Variants in TMTC2 observed in about 807,000 individuals in gnomAD.
TMTC2 encodes the protein transmembrane O-mannosyltransferase targeting cadherins 2.
A neutral mutation model predicts 82.4 loss-of-function variants in TMTC2; 43 were observed. The observed-to-expected ratio is 0.52, with a 90% CI of 0.41 to 0.67. TMTC2 has a LOEUF of 0.67. Ranked by LOEUF, TMTC2 falls within the 30% of genes least tolerant of loss-of-function variation. The pLI is 0.00. For synonymous variants in TMTC2, 408 were observed against 381.9 expected (o/e 1.07, Z -0.80); for missense variants, 919 against 1,012.4 (o/e 0.91, Z 1.25).
chr12:82,706,743 G>T (rs1873378070), intron 1 of TMTC2, among the ~76,000 whole-genome samples: 1 of 152,142 alleles, frequency 6.6e-6, no homozygotes, highest in Non-Finnish European at 1.5e-5. Context: ...AATGTGGAGG[G>T]TTAAGGGGAA....
rs1406862555 is a variant in TMTC2, at chr12:82,690,290, T to C, written c.83+2621T>C. 6.9e-6 allele frequency: 5 copies of C among 721,820 alleles called. No individual in the cohort carries two copies. The East Asian group carries it at 6.6e-4, about 95-fold the overall frequency. 44.7% of individuals were successfully genotyped at this position (721,820 alleles called of 1,614,324 possible). ...TAAAACATTGCTTAAACTAGACCTG[T>C]GGATTCTGCTGCCCTCCAGGAACTT... On this transcript the variant is annotated intron_variant, in intron 1 of 11. Coordinates refer to ENST00000321196, the MANE Select transcript of TMTC2 (RefSeq NM_152588.3).
chr12:82,844,985 T>A (rs192527749), intron 1 of TMTC2, among the ~76,000 whole-genome samples: 232 of 151,638 alleles, frequency 1.5e-3, no homozygotes, highest in African/African-American at 5.3e-3. Flanking sequence ...CCCAGCACTT[T>A]GGGAGGCCGA....
At chr12:82,957,341 C>G (rs1465516871) in intron 4 of TMTC2, among the ~76,000 whole-genome samples, 1 of 151,928 alleles carries the variant, frequency 6.6e-6, no homozygotes, top group Non-Finnish European at 1.5e-5. Context: ...TAAATGAAAA[C>G]AAAGATGCAA....
chr12:82,711,287 C>T (rs530404483), intron 1 of TMTC2, among the ~76,000 whole-genome samples: 7 of 152,252 alleles, frequency 4.6e-5, no homozygotes, highest in South Asian at 2.1e-4. Flanking sequence ...GGATCACCTA[C>T]GCTAACAGAA....
At chr12:82,825,624 C>A (rs1869375969) in intron 1 of TMTC2, among the ~76,000 whole-genome samples, 1 of 152,010 alleles carries the variant, frequency 6.6e-6, no homozygotes, top group Admixed American at 6.6e-5. Context: ...TGGAAAAACA[C>A]CCTATCATAA....
intron 1 of TMTC2, among the ~76,000 whole-genome samples, chr12:82,774,173 G>A (rs1307877161): frequency 3.3e-5 from 5 of 151,822 alleles, no homozygotes; most frequent in Admixed American, 1.3e-4. Flanking sequence ...ATACATATAC[G>A]CACATATATA....
Position 82,895,974 on chromosome 12 carries a change from C to T in TMTC2, c.811C>T (p.Leu271Phe), listed in dbSNP as rs1282291651. 3 of 1,613,924 alleles carry T rather than the reference C, an allele frequency of 1.9e-6. No individual in the cohort carries two copies. Among genetic ancestry groups the T allele is most frequent in the Middle Eastern group, 1.6e-4 (1 of 6,062 alleles). ...ADSDSLLTRT[L>F]TFFYLPTKNL... ...TTCGGACAGCCTCCTCACCCGCACT[C>T]TCACCTTCTTCTACTTGCCAACCAA... Residue 271 changes from leucine to phenylalanine, a missense_variant, in exon 3 of 12, where the codon CTC becomes TTC. Transcript: ENST00000321196.
intron 8 of TMTC2, among the ~76,000 whole-genome samples, chr12:82,991,455 G>A (rs1879400195): frequency 1.3e-5 from 2 of 152,140 alleles, no homozygotes; most frequent in East Asian, 1.9e-4. Flanking sequence ...GATAGGTCAT[G>A]AACATAAGAC....
At chr12:82,776,436 A>T (rs1877601438) in intron 1 of TMTC2, among the ~76,000 whole-genome samples, 1 of 151,984 alleles carries the variant, frequency 6.6e-6, no homozygotes, top group African/African-American at 2.4e-5. Context: ...TTGGACACCA[A>T]AATCTGCTGG....
At chr12:82,986,187 A>G (rs1224846444) in intron 8 of TMTC2, 141 bp downstream of exon 8, 4 of 1,139,654 alleles carry the variant, frequency 3.5e-6, no homozygotes, top group African/African-American at 1.6e-5. Context: ...TGAACCCTGT[A>G]CAGAAAATAT....
intron 4 of TMTC2, among the ~76,000 whole-genome samples, chr12:82,938,555 G>A (rs1027214236): frequency 1.3e-5 from 2 of 152,064 alleles, no homozygotes; most frequent in African/African-American, 2.4e-5. Context: ...GAAGTGTTGG[G>A]CATGTCTGAC....
intron 3 of TMTC2, among the ~76,000 whole-genome samples, chr12:82,928,477 T>G (rs970328677): frequency 3.3e-5 from 5 of 152,222 alleles, no homozygotes; most frequent in African/African-American, 9.6e-5. Context: ...ACTGGTAGTT[T>G]TAGTAGTTTA....
At chr12:83,119,134 G>A (rs113008037) in intron 11 of TMTC2, among the ~76,000 whole-genome samples, 3,996 of 151,756 alleles carry the variant, frequency 0.026, 184 homozygotes, top group African/African-American at 0.092. Context: ...GGATTTTTTT[G>A]TTTCAATTTC....
chr12:83,067,470 G>A (rs1182978914), intron 11 of TMTC2, among the ~76,000 whole-genome samples: 1 of 151,916 alleles, frequency 6.6e-6, no homozygotes, highest in Non-Finnish European at 1.5e-5. Flanking sequence ...AAATATCAGA[G>A]ATATTTAAGG....
intron 1 of TMTC2, 32 bp downstream of exon 1, chr12:82,687,701 G>C: frequency 6.3e-7 from 1 of 1,581,632 alleles, no homozygotes. Flanking sequence ...GCGACGGGCT[G>C]CAGGGGGCAC....
chr12:82,899,390 C>T (rs1203512216), intron 3 of TMTC2, among the ~76,000 whole-genome samples: 1 of 151,734 alleles, frequency 6.6e-6, no homozygotes, highest in Non-Finnish European at 1.5e-5. Flanking sequence ...TCATAGCTGA[C>T]ATCCATTCCA....
chr12:82,779,155 A>G (rs1877763341), intron 1 of TMTC2, among the ~76,000 whole-genome samples: 1 of 152,056 alleles, frequency 6.6e-6, no homozygotes, highest in African/African-American at 2.4e-5. Flanking sequence ...TGCAAAGGCA[A>G]GGAATCCCAA....
chr12:82,879,258 T>G (rs11836974), intron 2 of TMTC2, among the ~76,000 whole-genome samples: 23 of 152,090 alleles, frequency 1.5e-4, no homozygotes, highest in African/African-American at 5.5e-4. Context: ...TATTGTAGGG[T>G]TTAGTGTGGT....
At chr12:83,104,043 T>C (rs768222408) in intron 11 of TMTC2, among the ~76,000 whole-genome samples, 6 of 152,216 alleles carry the variant, frequency 3.9e-5, no homozygotes, top group Non-Finnish European at 8.8e-5. Context: ...GATCAAATCT[T>C]AATGCTCCAA....
Sources: allele counts gnomAD v4.1 joint callset (sites outside exome capture counted in the v4.1 genomes callset), GRCh38; gene constraint gnomAD v4.1.1; transcripts MANE v1.5; gene names NCBI Gene and HGNC (gene_info 2026-07-23, HGNC 2026-07-21).